The following KCNH1 variants were observed in gnomAD, a reference collection of about 807,000 sequenced individuals.
The protein encoded by KCNH1 is voltage-gated delayed rectifier potassium channel KCNH1.
Under a neutral mutation model 69.2 loss-of-function variants are expected in KCNH1, and 27 were observed. The ratio of observed to expected loss-of-function variants is 0.39; its 90% CI spans 0.29 to 0.54. The LOEUF (loss-of-function observed/expected upper bound fraction) is 0.54, where lower values mean the gene tolerates loss of function less well. KCNH1 is among the 20% of genes least tolerant of loss of function. The pLI is 0.68. For synonymous variants in KCNH1, 456 were observed against 487.7 expected (o/e 0.93, Z 0.86); for missense variants, 798 against 1,261.6 (o/e 0.63, Z 5.57).
intron 6 of KCNH1, among the ~76,000 whole-genome samples, chr1:210,952,097 T>C (rs1024443745): frequency 6.6e-6 from 1 of 152,182 alleles, no homozygotes; most frequent in South Asian, 2.1e-4. Flanking sequence ...ACCTGAGCAC[T>C]TGGTCTTCCT....
At chr1:210,788,249 T>C (rs999638555) in intron 9 of KCNH1, among the ~76,000 whole-genome samples, 2 of 152,222 alleles carry the variant, frequency 1.3e-5, no homozygotes, top group Non-Finnish European at 2.9e-5. Context: ...TCAGTTAACA[T>C]TTTGGTATAC....
At chr1:211,001,024 A>G (rs1341818297) in intron 6 of KCNH1, among the ~76,000 whole-genome samples, 1 of 152,202 alleles carries the variant, frequency 6.6e-6, no homozygotes, top group Non-Finnish European at 1.5e-5. Flanking sequence ...AAGATGGATT[A>G]AAGACTTATA....
At chr1:210,753,440 G>C (rs1683325103) in intron 10 of KCNH1, among the ~76,000 whole-genome samples, 1 of 152,206 alleles carries the variant, frequency 6.6e-6, no homozygotes, top group African/African-American at 2.4e-5. Flanking sequence ...GCCTAAGAAA[G>C]CCAAGTAGCC....
At chr1:211,104,686 G>A (rs573453692) in intron 2 of KCNH1, among the ~76,000 whole-genome samples, 360 of 152,234 alleles carry the variant, frequency 2.4e-3, no homozygotes, top group Non-Finnish European at 3.7e-3. Context: ...GGCTGCCCAC[G>A]GGCCCAGCCA....
At chr1:210,995,369 C>G (rs1018441645) in intron 6 of KCNH1, among the ~76,000 whole-genome samples, 1 of 152,144 alleles carries the variant, frequency 6.6e-6, no homozygotes, top group Non-Finnish European at 1.5e-5. Flanking sequence ...TAAACTTAAG[C>G]CACTAAATTA....
chr1:210,964,048 T>C (rs1688348319), intron 6 of KCNH1, among the ~76,000 whole-genome samples: 1 of 152,146 alleles, frequency 6.6e-6, no homozygotes, highest in African/African-American at 2.4e-5. Context: ...GAGAGAAAGG[T>C]TGGGTTACCC....
chr1:210,837,779 G>T (rs1360289953), intron 7 of KCNH1, among the ~76,000 whole-genome samples: 1 of 152,126 alleles, frequency 6.6e-6, no homozygotes, highest in Non-Finnish European at 1.5e-5. Context: ...ACATGAAAAT[G>T]GGGATAATAA....
intron 7 of KCNH1, among the ~76,000 whole-genome samples, chr1:210,909,526 A>G (rs546162780): frequency 6.6e-6 from 1 of 152,322 alleles, no homozygotes; most frequent in Admixed American, 6.5e-5. Flanking sequence ...ATGCCATTTA[A>G]TTTGCATCGT....
chr1:210,861,994 G>T (rs1685989127), intron 7 of KCNH1: 2 of 762,814 alleles, frequency 2.6e-6, no homozygotes, highest in South Asian at 1.4e-5. Flanking sequence ...ATGGATAATG[G>T]CTTCTACAAT....
chr1:210,743,999 G>T (rs1251598710), intron 10 of KCNH1, among the ~76,000 whole-genome samples: 1 of 152,106 alleles, frequency 6.6e-6, no homozygotes, highest in Non-Finnish European at 1.5e-5. Flanking sequence ...AGGGCTCTCC[G>T]GTGCCAGGCA....
intron 5 of KCNH1, among the ~76,000 whole-genome samples, chr1:211,044,738 ATAATCAAAAAATAGTAGATGT>A (rs1489943734): frequency 6.6e-6 from 1 of 152,138 alleles, no homozygotes; most frequent in Non-Finnish European, 1.5e-5. Context: ...AAGAATGGCC[ATAATCAAAAAATAGTAGATGT>A]CAGCATGGAT....
At chr1:211,016,963 A>G (rs1050793308) in intron 6 of KCNH1, among the ~76,000 whole-genome samples, 10 of 151,588 alleles carry the variant, frequency 6.6e-5, no homozygotes, top group Admixed American at 3.9e-4. Context: ...AAGAACCCCA[A>G]CGTTCATATT....
intron 4 of KCNH1, among the ~76,000 whole-genome samples, chr1:211,084,418 A>T (rs1429481971): frequency 6.6e-6 from 1 of 152,240 alleles, no homozygotes; most frequent in African/African-American, 2.4e-5. Context: ...ATATACTGTG[A>T]GAACAGTGAC....
chr1:210,902,714 A>G (rs1466233000), intron 7 of KCNH1, among the ~76,000 whole-genome samples: 1 of 152,226 alleles, frequency 6.6e-6, no homozygotes, highest in Non-Finnish European at 1.5e-5. Context: ...GTCCCCAGTC[A>G]GTGACACTGC....
intron 7 of KCNH1, among the ~76,000 whole-genome samples, chr1:210,855,397 C>A (rs1257392554): frequency 6.6e-6 from 1 of 152,174 alleles, no homozygotes; most frequent in Non-Finnish European, 1.5e-5. Context: ...AATAATACTC[C>A]ACCCACTCCA....
intron 7 of KCNH1, among the ~76,000 whole-genome samples, chr1:210,906,322 G>C (rs544987612): frequency 1.1e-4 from 16 of 152,350 alleles, no homozygotes; most frequent in Admixed American, 7.8e-4. Flanking sequence ...AATGGTGGCA[G>C]ACACAGTGCC....
At chr1:210,994,598 G>C (rs1466041543) in intron 6 of KCNH1, among the ~76,000 whole-genome samples, 18 of 152,158 alleles carry the variant, frequency 1.2e-4, no homozygotes, top group Non-Finnish European at 2.9e-5. Context: ...ACAAAAAGGG[G>C]AAGAACTTCA....
Position 210,805,685 on chromosome 1 carries a change from C to T in KCNH1, c.1463-1519G>A, listed in dbSNP as rs866613516. 4.6e-5 allele frequency among the ~76,000 whole-genome samples: 7 copies of T among 152,248 alleles called. 1 individual carries two copies. The highest frequency in any genetic ancestry group is 3.4e-3 in the Middle Eastern group (1 of 294). ...ATTTACAGAGTTGTGTAACCATCAC[C>T]GCAATCTAAGTTTAGAATATATTCC... On this transcript the variant is annotated intron_variant, in intron 7 of 10. Coordinates refer to ENST00000271751, the MANE Select transcript of KCNH1 (RefSeq NM_172362.3).
At chr1:210,803,901 C>A in intron 8 of KCNH1, 66 bp downstream of exon 8, 1 of 1,436,876 alleles carries the variant, frequency 7.0e-7, no homozygotes, top group Non-Finnish European at 9.6e-7. Flanking sequence ...CTGTCTTAGG[C>A]AAGCCTCAAC....
Sources: allele counts gnomAD v4.1 joint callset (sites outside exome capture counted in the v4.1 genomes callset), GRCh38; gene constraint gnomAD v4.1.1; transcripts MANE v1.5; gene names NCBI Gene and HGNC (gene_info 2026-07-23, HGNC 2026-07-21).